The following KPNA4 variants were observed in gnomAD, a reference collection of about 807,000 sequenced individuals.
The protein encoded by KPNA4 is importin subunit alpha-3.
A neutral mutation model predicts 71.3 loss-of-function variants in KPNA4; 13 were observed. The observed-to-expected ratio is 0.18, with a 90% CI of 0.12 to 0.29. The LOEUF (loss-of-function observed/expected upper bound fraction) is 0.29, where lower values mean the gene tolerates loss of function less well. Ranked by LOEUF, KPNA4 falls within the 10% of genes least tolerant of loss-of-function variation. The pLI, the probability that KPNA4 is intolerant of heterozygous loss-of-function variation, is 1.00. For missense variants in KPNA4, 334 were observed against 603.2 expected (o/e 0.55, Z 4.67); for synonymous variants, 189 against 195.2 (o/e 0.97, Z 0.26).
intron 1 of KPNA4, 34 bp downstream of exon 1, chr3:160,565,180 G>GC: frequency 6.4e-7 from 1 of 1,561,056 alleles, no homozygotes; most frequent in Non-Finnish European, 8.8e-7. Flanking sequence ...CAGGCCCACA[G>GC]CCCCCACCCC....
In KPNA4 at chr3:160,495,749, A is replaced by T. The variant is rs745826583; in HGVS notation, c.*6355T>A. The T allele has an allele frequency of 4.0e-5, 6 of 151,374 alleles. No homozygotes were observed. The highest frequency in any genetic ancestry group is 8.8e-5 in the Non-Finnish European group (6 of 67,934). The allele number at this position is 151,374 out of a possible 1,614,324, so 9.4% of individuals were successfully genotyped here. Reference sequence around the variant, plus strand: ...ATATACCCATTTATGAAGGCAGCACATCGGCAAGTAAAAATGTAAGTGAAG... The same window carrying T: ...ATATACCCATTTATGAAGGCAGCACTTCGGCAAGTAAAAATGTAAGTGAAG... On this transcript the variant is annotated 3_prime_UTR_variant, in exon 17 of 17. Transcript: ENST00000334256.
chr3:160,552,801 G>A (rs1167924928), intron 1 of KPNA4, among the ~76,000 whole-genome samples: 1 of 152,114 alleles, frequency 6.6e-6, no homozygotes, highest in Non-Finnish European at 1.5e-5. Flanking sequence ...CACCACTAAT[G>A]TGTTAGTGGA....
Position 160,565,471 on chromosome 3 carries a change from C to T in KPNA4, c.-189G>A, listed in dbSNP as rs1292954149. The T allele has an allele frequency of 6.7e-6, 3 of 450,980 alleles. No homozygotes were observed. Among genetic ancestry groups the T allele is most frequent in the South Asian group, 6.6e-5 (3 of 45,406 alleles). The allele number at this position is 450,980 out of a possible 1,614,324, so 27.9% of individuals were successfully genotyped here. ...CTCCCCGCCCGCCCCCCCGCCCTAA[C>T]CCCAGCGCGACTGCAGCTCCGGCAA... is the stretch of plus-strand genomic sequence containing the variant. On this transcript the variant is annotated 5_prime_UTR_variant, in exon 1 of 17. Transcript: ENST00000334256.
chr3:160,550,519 C>G (rs1032678374), intron 1 of KPNA4, among the ~76,000 whole-genome samples: 1 of 152,160 alleles, frequency 6.6e-6, no homozygotes, highest in Non-Finnish European at 1.5e-5. Flanking sequence ...CCCACTGAGG[C>G]CTCCTTCCAA....
At chr3:160,505,352 A>G (rs1428176635) in intron 15 of KPNA4, among the ~76,000 whole-genome samples, 4 of 152,200 alleles carry the variant, frequency 2.6e-5, no homozygotes, top group Admixed American at 2.6e-4. Flanking sequence ...ATAACCAGCA[A>G]TAACATGTAA....
chr3:160,512,806 T>C (rs1721124206), intron 13 of KPNA4, among the ~76,000 whole-genome samples: 1 of 152,022 alleles, frequency 6.6e-6, no homozygotes, highest in Non-Finnish European at 1.5e-5. Context: ...CACTCTAGCC[T>C]GGGTGACAGC....
At chr3:160,509,078 G>A (rs73023853) in intron 14 of KPNA4, among the ~76,000 whole-genome samples, 4,805 of 152,194 alleles carry the variant, frequency 0.032, 252 homozygotes, top group African/African-American at 0.11. Flanking sequence ...CTCTAAATTT[G>A]TTCTTTTTAC....
At chr3:160,508,363 GTATAGAAA>G (rs1307937334) in intron 14 of KPNA4, 94 bp from the exon 15 acceptor site, 3 of 889,404 alleles carry the variant, frequency 3.4e-6, no homozygotes, top group African/African-American at 3.4e-5. Flanking sequence ...GAAATTTCGA[GTATAGAAA>G]TATGACCTCA....
intron 1 of KPNA4, among the ~76,000 whole-genome samples, chr3:160,554,677 G>T (rs1248918759): frequency 6.6e-6 from 1 of 152,244 alleles, no homozygotes; most frequent in Non-Finnish European, 1.5e-5. Context: ...AGGGAAAAGG[G>T]GCTGAAGGTT....
intron 1 of KPNA4, among the ~76,000 whole-genome samples, chr3:160,547,789 A>G (rs984894173): frequency 1.3e-5 from 2 of 152,050 alleles, no homozygotes; most frequent in Admixed American, 1.3e-4. Context: ...CTTTTAAAGA[A>G]TGTCATATAG....
chr3:160,532,561 A>C (rs993930138), intron 5 of KPNA4, among the ~76,000 whole-genome samples: 19 of 152,214 alleles, frequency 1.2e-4, no homozygotes, highest in African/African-American at 4.6e-4. Flanking sequence ...TAAGATAAAA[A>C]CAAAACCTAG....
At chr3:160,551,071 A>ATTC (rs58917553) in intron 1 of KPNA4, among the ~76,000 whole-genome samples, 76,678 of 151,726 alleles carry the variant, frequency 0.51, 19,870 homozygotes, top group Non-Finnish European at 0.55. Flanking sequence ...ACTGGCATCA[A>ATTC]TTCTTTAAAT....
chr3:160,495,914 GTCTT>G lies in KPNA4; in HGVS notation c.*6186_*6189del, dbSNP rs1184558798. On this transcript the variant is annotated 3_prime_UTR_variant, in exon 17 of 17. Transcript: ENST00000334256. ...CCACAATTATGAATCAAAAGATGGA[GTCTT>G]TTTTTTTTTTTTTTTAAGGTAAATA... 7.2e-6 allele frequency: 1 copy of G among 138,702 alleles called. No homozygotes were observed. The highest frequency in any genetic ancestry group is 1.6e-5 in the Non-Finnish European group (1 of 64,354). 8.6% of individuals were successfully genotyped at this position (138,702 alleles called of 1,614,324 possible).
chr3:160,541,633 TAA>T (rs1259383628), intron 1 of KPNA4, among the ~76,000 whole-genome samples: 1 of 139,814 alleles, frequency 7.2e-6, no homozygotes, highest in Non-Finnish European at 1.5e-5. Flanking sequence ...AAGCGGTTTT[TAA>T]AAGTTATATA....
At chr3:160,504,841 A>G (rs1016936758) in intron 16 of KPNA4, 117 bp downstream of exon 16, 7 of 407,836 alleles carry the variant, frequency 1.7e-5, no homozygotes, top group African/African-American at 1.2e-4. Flanking sequence ...TCATACATCT[A>G]TTTTAATTCC....
At chr3:160,522,579 T>C (rs138276369) in intron 10 of KPNA4, among the ~76,000 whole-genome samples, 2,082 of 152,188 alleles carry the variant, frequency 0.014, 49 homozygotes, top group African/African-American at 0.043. Flanking sequence ...TGCCTCAGCC[T>C]CCCGAGTAGC....
At chr3:160,527,926 G>C (rs1187496159) in intron 8 of KPNA4, 27 bp downstream of exon 8, 10 of 1,531,218 alleles carry the variant, frequency 6.5e-6, no homozygotes, top group Non-Finnish European at 9.0e-6. Context: ...ACAATTTTTA[G>C]ACTAGTATTA....
chr3:160,560,833 T>C (rs1276735462), intron 1 of KPNA4, among the ~76,000 whole-genome samples: 2 of 152,114 alleles, frequency 1.3e-5, no homozygotes, highest in Non-Finnish European at 1.5e-5. Context: ...AGATATTTCA[T>C]ATTGTCACAT....
At chr3:160,505,120 T>C in intron 15 of KPNA4, 68 bp from the exon 16 acceptor site, 2 of 769,790 alleles carry the variant, frequency 2.6e-6, no homozygotes, top group Admixed American at 3.3e-5. Flanking sequence ...AGAATAATCT[T>C]TGGAACACAT....
Sources: gnomAD v4.1 joint callset for allele counts (sites outside exome capture counted in the v4.1 genomes callset) on GRCh38, gnomAD v4.1.1 for gene constraint, MANE v1.5 for transcripts, NCBI Gene and HGNC (gene_info 2026-07-23, HGNC 2026-07-21) for gene names.